DACH2: variants seen among roughly 807,000 people sequenced by gnomAD.
The protein encoded by DACH2 is dachshund family transcription factor 2.
In DACH2, 17 loss-of-function variants were observed where a neutral mutation model predicts 35.8. The observed-to-expected ratio is 0.48, with a 90% CI of 0.33 to 0.71. DACH2 has a LOEUF of 0.71. Among genes scored for constraint, DACH2 ranks in the 30% least tolerant of loss-of-function variants. The pLI is 0.02. For synonymous variants in DACH2, 195 were observed against 177.3 expected, an observed-to-expected ratio of 1.10 and a Z score of -0.79; for missense variants, 469 against 472.7, an observed-to-expected ratio of 0.99 and a Z score of 0.07.
intron 1 of DACH2, among the ~76,000 whole-genome samples, chrX:86,215,617 A>G (rs1275375359): frequency 3.6e-5 from 4 of 111,643 alleles, no homozygotes; most frequent in Admixed American, 1.9e-4. Context: ...TTGAGGTTAC[A>G]TGTATTTGAG....
intron 7 of DACH2, among the ~76,000 whole-genome samples, chrX:86,810,146 G>A (rs181374686): frequency 1.6e-3 from 179 of 111,410 alleles, no homozygotes; most frequent in African/African-American, 5.4e-3. Flanking sequence ...TGTCTTCATC[G>A]TCAATATAAT....
chrX:86,415,072 CTT>C (rs2036680376), intron 2 of DACH2, among the ~76,000 whole-genome samples: 1 of 111,719 alleles, frequency 9.0e-6, no homozygotes, highest in African/African-American at 3.3e-5. Context: ...AGCTATATGG[CTT>C]TGACAACCAT....
intron 1 of DACH2, among the ~76,000 whole-genome samples, chrX:86,172,482 A>G (rs149904238): frequency 0.1 from 11,134 of 111,825 alleles, 563 homozygotes; most frequent in Non-Finnish European, 0.15. Context: ...CAACAATCCT[A>G]TGAGGCAGGT....
chrX:86,273,094 T>C (rs1174403013), intron 1 of DACH2, among the ~76,000 whole-genome samples: 1 of 112,065 alleles, frequency 8.9e-6, no homozygotes, highest in Non-Finnish European at 1.9e-5. Context: ...TATATGATAA[T>C]AGTTTTATAA....
At chrX:86,208,087 G>A (rs1027747231) in intron 1 of DACH2, among the ~76,000 whole-genome samples, 1 of 110,882 alleles carries the variant, frequency 9.0e-6, no homozygotes, top group African/African-American at 3.3e-5. Flanking sequence ...TACTTTTTAA[G>A]TGTGGTAGTC....
At chrX:86,636,104 G>T (rs754979180) in intron 3 of DACH2, among the ~76,000 whole-genome samples, 13 of 110,968 alleles carry the variant, frequency 1.2e-4, no homozygotes, top group Non-Finnish European at 2.3e-4. Context: ...AAAGCTCGGG[G>T]GATCATGCTA....
intron 7 of DACH2, among the ~76,000 whole-genome samples, chrX:86,785,728 A>G (rs184241206): frequency 1.3e-4 from 14 of 111,800 alleles, no homozygotes; most frequent in East Asian, 1.1e-3. Flanking sequence ...AGCATAATTC[A>G]TCAAGTCAAC....
chrX:86,594,695 T>A (rs999229176), intron 3 of DACH2, among the ~76,000 whole-genome samples: 3 of 111,892 alleles, frequency 2.7e-5, no homozygotes, highest in Non-Finnish European at 5.6e-5. Flanking sequence ...ATAGCTTAGA[T>A]TCTGGTCAGT....
intron 1 of DACH2, among the ~76,000 whole-genome samples, chrX:86,264,690 CTGTT>C (rs764910166): frequency 9.0e-6 from 1 of 111,571 alleles, no homozygotes; most frequent in East Asian, 2.8e-4. Flanking sequence ...CTACATGTGT[CTGTT>C]TGTGTGAAAA....
chrX:86,472,739 T>C (rs923332259), intron 2 of DACH2, among the ~76,000 whole-genome samples: 6 of 112,093 alleles, frequency 5.4e-5, no homozygotes, highest in African/African-American at 1.3e-4. Context: ...TTCTTGATGA[T>C]AATTCAATTC....
chrX:86,342,869 C>T (rs1013719107), intron 1 of DACH2, among the ~76,000 whole-genome samples: 1 of 111,222 alleles, frequency 9.0e-6, no homozygotes, highest in African/African-American at 3.3e-5. Flanking sequence ...CAGCAGCCAC[C>T]ACCCTGACCA....
At chrX:86,538,528 G>A (rs1291870055) in intron 3 of DACH2, among the ~76,000 whole-genome samples, 1 of 111,692 alleles carries the variant, frequency 9.0e-6, no homozygotes, top group African/African-American at 3.3e-5. Context: ...AATTTATGAT[G>A]AGCAGAAATT....
intron 1 of DACH2, among the ~76,000 whole-genome samples, chrX:86,278,058 C>A (rs1007303328): frequency 9.0e-6 from 1 of 111,307 alleles, no homozygotes. Context: ...AAGCACTTCC[C>A]AAAGCCAAAC....
At chrX:86,388,564 G>A (rs1452927268) in intron 2 of DACH2, among the ~76,000 whole-genome samples, 1 of 111,494 alleles carries the variant, frequency 9.0e-6, no homozygotes, top group African/African-American at 3.3e-5. Context: ...GTGAGAAGTT[G>A]TCAGCCTCCC....
chrX:86,536,992 AG>A (rs1171570445), intron 3 of DACH2, among the ~76,000 whole-genome samples: 1 of 111,660 alleles, frequency 9.0e-6, no homozygotes, highest in Non-Finnish European at 1.9e-5. Flanking sequence ...GCATTGTTTT[AG>A]TGGAAGCTCT....
chrX:86,799,754 T>G (rs1053707820), intron 7 of DACH2, among the ~76,000 whole-genome samples: 1 of 112,350 alleles, frequency 8.9e-6, no homozygotes, highest in Non-Finnish European at 1.9e-5. Context: ...CAGAGTAAAT[T>G]TTTTTAAAGA....
At chrX:86,468,395 T>G (rs1439982377) in intron 2 of DACH2, among the ~76,000 whole-genome samples, 6 of 111,344 alleles carry the variant, frequency 5.4e-5, no homozygotes, top group Non-Finnish European at 1.1e-4. Flanking sequence ...ATCTCCATTT[T>G]ACTCATCTTA....
At chrX:86,652,635 C>T (rs754516276) in intron 4 of DACH2, among the ~76,000 whole-genome samples, 12 of 111,856 alleles carry the variant, frequency 1.1e-4, no homozygotes, top group Non-Finnish European at 1.5e-4. Context: ...TAGTAATAGC[C>T]GTTCTGACTG....
intron 7 of DACH2, among the ~76,000 whole-genome samples, chrX:86,750,356 G>T (rs1218741501): frequency 9.0e-6 from 1 of 111,533 alleles, no homozygotes; most frequent in Non-Finnish European, 1.9e-5. Context: ...TGACATTGTG[G>T]TTTTTGTGCT....
Sources: allele counts gnomAD v4.1 joint callset (sites outside exome capture counted in the v4.1 genomes callset), GRCh38; gene constraint gnomAD v4.1.1; transcripts MANE v1.5; gene names NCBI Gene and HGNC (gene_info 2026-07-23, HGNC 2026-07-21).